The following IGF1 variants were observed in gnomAD, a reference collection of about 807,000 sequenced individuals.
The protein encoded by IGF1 is insulin-like growth factor 1.
IGF1 carries 4 observed loss-of-function variants against 13.8 expected under a neutral mutation model. The ratio of observed to expected loss-of-function variants is 0.29; its 90% CI spans 0.14 to 0.66. The LOEUF (loss-of-function observed/expected upper bound fraction) is 0.66. Among genes scored for constraint, IGF1 ranks in the 30% least tolerant of loss-of-function variants. IGF1 has a pLI of 0.78. For missense variants in IGF1, 124 were observed against 188.5 expected, an observed-to-expected ratio of 0.66 and a Z score of 2.00; for synonymous variants, 76 against 72.6, an observed-to-expected ratio of 1.05 and a Z score of -0.23.
chr12:102,417,383 T>C (rs952654790), intron 3 of IGF1: 8 of 262,726 alleles, frequency 3.0e-5, no homozygotes, highest in Non-Finnish European at 4.7e-5. Context: ...CACAATTCAG[T>C]CTTGCTGAGC....
At position 102,398,027 on chromosome 12, in the gene IGF1, AAAG is replaced by A. The variant is rs1343715787; in HGVS notation, c.*4477_*4479del. 1 of 152,414 alleles carries A rather than the reference AAAG, an allele frequency of 6.6e-6. No individual in the cohort carries two copies. Among genetic ancestry groups the A allele is most frequent in the Non-Finnish European group, 1.5e-5 (1 of 67,986 alleles). 9.4% of individuals were successfully genotyped at this position (152,414 alleles called of 1,614,324 possible). A position where few individuals can be genotyped will look rare whatever the true frequency, so the allele number is the denominator to read the frequency against. On this transcript the variant is annotated 3_prime_UTR_variant, in exon 4 of 4. Coordinates refer to ENST00000337514, the MANE Select transcript of IGF1 (RefSeq NM_000618.5). ...TATTATTCCTCATTCTGATATAAAAAAAGAAGAAAAGAACCAAGTCATTTTGAA... is the reference window on the plus strand; with the variant it reads ...TATTATTCCTCATTCTGATATAAAAAAAGAAAAGAACCAAGTCATTTTGAA...
At chr12:102,441,927 T>TCTTCTCCTTCTCCTTCTCCTTCTC (rs1565984730) in intron 2 of IGF1, among the ~76,000 whole-genome samples, 1 of 127,746 alleles carries the variant, frequency 7.8e-6, no homozygotes, top group Non-Finnish European at 1.7e-5. Flanking sequence ...TTCTTCTTCT[T>TCTTCTCCTTCTCCTTCTCCTTCTC]CTTCTTCTTC....
intron 2 of IGF1, among the ~76,000 whole-genome samples, chr12:102,474,025 A>G (rs1411288199): frequency 6.6e-6 from 1 of 152,220 alleles, no homozygotes; most frequent in Non-Finnish European, 1.5e-5. Context: ...GGATCAAAGG[A>G]AATTGCACAA....
chr12:102,452,486 T>C (rs912787598), intron 2 of IGF1, among the ~76,000 whole-genome samples: 1 of 152,134 alleles, frequency 6.6e-6, no homozygotes, highest in Non-Finnish European at 1.5e-5. Flanking sequence ...AGATGCTCAG[T>C]AAATATTTGC....
chr12:102,439,589 A>G (rs1455289967), intron 2 of IGF1, among the ~76,000 whole-genome samples: 2 of 152,302 alleles, frequency 1.3e-5, no homozygotes, highest in East Asian at 3.9e-4. Context: ...TTATGAAACG[A>G]AAGCCTAGAG....
intron 2 of IGF1, chr12:102,463,268 A>G (rs1880065240): frequency 6.6e-6 from 1 of 152,202 alleles, no homozygotes; most frequent in Non-Finnish European, 1.5e-5. Flanking sequence ...GCCAAACTAA[A>G]TATGTCTATG....
Position 102,441,953 on chromosome 12 carries a change from T to TTCTTTCTTCTTCTTC in IGF1, c.221-22264_221-22263insGAAGAAGAAGAAAGA. Reference sequence around the variant, plus strand: ...CTTCTTCTTCTTCTTCTTCTTCTTCTTCTTTTTTTTTTTTGAGACAGGGTT... The same window carrying TTCTTTCTTCTTCTTC: ...CTTCTTCTTCTTCTTCTTCTTCTTCTTCTTTCTTCTTCTTCTCTTTTTTTTTTTTGAGACAGGGTT... On this transcript the variant is annotated intron_variant, in intron 2 of 3. Transcript: ENST00000337514. Among the ~76,000 whole-genome samples, 2 of 140,220 alleles carry TTCTTTCTTCTTCTTC rather than the reference T, an allele frequency of 1.4e-5. 1 individual carries two copies. Among genetic ancestry groups the TTCTTTCTTCTTCTTC allele is most frequent in the Non-Finnish European group, 3.1e-5 (2 of 63,570 alleles). The allele number at this position is 140,220 out of a possible 152,430, so 92.0% of individuals were successfully genotyped here.
chr12:102,419,780 T>C (rs1168338520), intron 2 of IGF1, 90 bp from the exon 3 acceptor site: 1 of 1,236,938 alleles, frequency 8.1e-7, no homozygotes, highest in Non-Finnish European at 1.2e-6. Context: ...CCACAGCTAG[T>C]CAACCTACAT....
intron 2 of IGF1, among the ~76,000 whole-genome samples, chr12:102,472,127 T>C (rs528541215): frequency 2.6e-5 from 4 of 152,296 alleles, no homozygotes; most frequent in South Asian, 2.1e-4. Flanking sequence ...AACACAAGGC[T>C]GGCTGATAGG....
In IGF1 at chr12:102,402,559, T is replaced by A; in HGVS notation, c.410A>T (p.His137Leu). ...TDMPKTQKEVHLKNASRGSAG... is the reference protein window; with the variant it reads ...TDMPKTQKEVLLKNASRGSAG... ...ACTCCCTCTACTTGCGTTCTTCAAA[T>A]GTACTTCCTATAAATAAAGGAGAAA... Residue 137 changes from histidine (H) to leucine (L), a missense_variant, in exon 4 of 4, where the codon CAT becomes CTT. His to Leu is a moderately conservative substitution (Grantham distance 99). Around this residue, in one of 2 missense-constraint regions of IGF1, gnomAD observed 25 missense variants for 17.1 expected, o/e 1.47. Transcript: ENST00000337514. 1 of 780,824 alleles carries A rather than the reference T, an allele frequency of 1.3e-6. No individual in the cohort carries two copies. Among genetic ancestry groups the A allele is most frequent in the Non-Finnish European group, 2.4e-6 (1 of 417,944 alleles). 48.4% of individuals were successfully genotyped at this position (780,824 alleles called of 1,614,324 possible).
intron 3 of IGF1, among the ~76,000 whole-genome samples, chr12:102,417,116 A>C (rs924837464): frequency 1.3e-5 from 2 of 152,186 alleles, no homozygotes; most frequent in Non-Finnish European, 2.9e-5. Flanking sequence ...ACTATGAAAA[A>C]ATCAATTTCT....
chr12:102,454,613 G>A (rs747411913), intron 2 of IGF1, among the ~76,000 whole-genome samples: 1 of 152,172 alleles, frequency 6.6e-6, no homozygotes, highest in Non-Finnish European at 1.5e-5. Flanking sequence ...AGAATATTTA[G>A]GCCAGCCTAT....
rs1762128704 is a variant in IGF1 at position 102,436,539 on chromosome 12, TG to T, written c.221-16850del. On this transcript the variant is annotated intron_variant, in intron 2 of 3. Transcript: ENST00000337514. ...TAATGGAGAGAAGCCAAAAAGGCAG[TG>T]TGGGTTTGGGGCACCTTCAGTACCA... Among the ~76,000 whole-genome samples, 4 of 152,278 alleles carry T rather than the reference TG, an allele frequency of 2.6e-5. No individual in the cohort carries two copies. The South Asian group carries it at 8.3e-4, about 32-fold the overall frequency.
chr12:102,445,792 G>T (rs1252395335), intron 2 of IGF1, among the ~76,000 whole-genome samples: 1 of 152,150 alleles, frequency 6.6e-6, no homozygotes, highest in East Asian at 1.9e-4. Flanking sequence ...GGGGAGAGGG[G>T]GCATTCTTGT....
chr12:102,428,236 G>GTATATATATATA (rs56947594), intron 2 of IGF1, among the ~76,000 whole-genome samples: 3,674 of 69,536 alleles, frequency 0.053, 779 homozygotes, highest in Middle Eastern at 0.069. Flanking sequence ...TCAATAATGT[G>GTATATATATATA]TATATATATA....
intron 1 of IGF1, chr12:102,478,377 C>CTT (rs67214112): frequency 0.028 from 14,617 of 515,364 alleles, 174 homozygotes; most frequent in Admixed American, 0.12. Flanking sequence ...TTTAAAAGTT[C>CTT]TTTTTTTTTT....
intron 2 of IGF1, among the ~76,000 whole-genome samples, chr12:102,455,929 G>A (rs1373752709): frequency 1.3e-5 from 2 of 152,282 alleles, no homozygotes; most frequent in Non-Finnish European, 2.9e-5. Flanking sequence ...ATCGCTTCCT[G>A]GAGAATGAAA....
At chr12:102,475,164 T>C (rs961708407) in intron 2 of IGF1, among the ~76,000 whole-genome samples, 3 of 152,196 alleles carry the variant, frequency 2.0e-5, no homozygotes, top group African/African-American at 4.8e-5. Flanking sequence ...TCATATTGAA[T>C]GGAGACATCT....
intron 3 of IGF1, among the ~76,000 whole-genome samples, chr12:102,405,869 G>T (rs534015261): frequency 1.3e-5 from 2 of 152,222 alleles, no homozygotes; most frequent in Non-Finnish European, 2.9e-5. Context: ...ATAGCAAAAA[G>T]AATTGAGGTT....
Sources: gnomAD v4.1 joint callset for allele counts (sites outside exome capture counted in the v4.1 genomes callset) on GRCh38, gnomAD v4.1.1 for gene constraint, gnomAD v4.1.1 regional missense constraint, MANE v1.5 for transcripts, NCBI Gene and HGNC (gene_info 2026-07-23, HGNC 2026-07-21) for gene names.